Variants in IQSEC3 observed in about 807,000 individuals in gnomAD.
IQSEC3 encodes IQ motif and SEC7 domain-containing protein 3.
IQSEC3 carries 50 observed loss-of-function variants against 105.4 expected under a neutral mutation model. The observed-to-expected ratio is 0.47, with a 90% CI of 0.38 to 0.60. The LOEUF is 0.60. IQSEC3 is among the 20% of genes least tolerant of loss of function. The probability of loss-of-function intolerance (pLI) is 0.00; values close to 1 mark genes in which losing one functional copy is unlikely to be tolerated. For missense variants in IQSEC3, 1,415 were observed against 1,630.0 expected (o/e 0.87, Z 2.27); for synonymous variants, 708 against 746.0 (o/e 0.95, Z 0.83).
intron 3 of IQSEC3, among the ~76,000 whole-genome samples, chr12:127,662 G>T (rs1191276946): frequency 6.6e-6 from 1 of 152,134 alleles, no homozygotes; most frequent in African/African-American, 2.4e-5. Context: ...AGACATTCAG[G>T]CCCTTCGCCC....
intron 1 of IQSEC3, among the ~76,000 whole-genome samples, chr12:95,617 G>A (rs1222183911): frequency 6.6e-6 from 1 of 152,180 alleles, no homozygotes; most frequent in East Asian, 1.9e-4. Context: ...GGTAGCCAAT[G>A]TTAATACTTG....
At chr12:110,610 C>G (rs757178901) in intron 2 of IQSEC3, among the ~76,000 whole-genome samples, 9 of 152,064 alleles carry the variant, frequency 5.9e-5, no homozygotes, top group Non-Finnish European at 7.3e-5. Context: ...AATGGGGTCT[C>G]TCCCAAATGG....
At chr12:94,354 T>A (rs1864181126) in intron 1 of IQSEC3, among the ~76,000 whole-genome samples, 2 of 152,226 alleles carry the variant, frequency 1.3e-5, no homozygotes, top group African/African-American at 4.8e-5. Flanking sequence ...AGCTAAGACA[T>A]GCCCAGGTCA....
chr12:111,892 A>G (rs1279209414), intron 2 of IQSEC3: 1 of 152,332 alleles, frequency 6.6e-6, no homozygotes, highest in East Asian at 1.9e-4. Context: ...CCCAGAGAAC[A>G]GCGAAAGTGA....
Position 163,563 on chromosome 12 carries a change from C to A in IQSEC3, c.2653C>A (p.Leu885Met). 1 of 1,610,604 alleles carries A rather than the reference C, an allele frequency of 6.2e-7. No homozygotes were observed. Among genetic ancestry groups the A allele is most frequent in the Non-Finnish European group, 8.5e-7 (1 of 1,177,930 alleles). The change falls in exon 9 of 14, where the codon CTG becomes ATG. Residue 885 changes from leucine to methionine, a missense_variant. By Grantham distance (15) the Leu-to-Met change is conservative. Around this residue, in one of 6 missense-constraint regions of IQSEC3, gnomAD observed 419 missense variants for 436.2 expected, o/e 0.96. Coordinates refer to ENST00000538872, the MANE Select transcript of IQSEC3 (RefSeq NM_001170738.2). ...RLFEVTDVNK[L>M]QKQAAHQREV... ...CTTCGAGGTGACGGATGTGAACAAG[C>A]TGCAGAAGCAGGCAGCGCATCAGAG...
At chr12:164,505 C>A (rs1374462442) in intron 9 of IQSEC3, among the ~76,000 whole-genome samples, 3 of 152,230 alleles carry the variant, frequency 2.0e-5, no homozygotes, top group African/African-American at 4.8e-5. Flanking sequence ...TGCAAAGCTC[C>A]TCCAGACCTT....
In IQSEC3 at chr12:157,648, G is replaced by T; in HGVS notation, c.2397G>T (p.Lys799Asn). 6.2e-7 allele frequency: 1 copy of T among 1,614,098 alleles called. No homozygotes were observed. The highest frequency in any genetic ancestry group is 8.5e-7 in the Non-Finnish European group (1 of 1,179,978). The change falls in exon 7 of 14, where the codon AAG becomes AAT. Residue 799 changes from lysine (K) to asparagine (N), a missense_variant. Lys to Asn is a moderately conservative substitution (Grantham distance 94). Transcript: ENST00000538872. ...CCGACATGTACAGCCCCAACATCAAGCCTGACCGGAAGATGATGCTGGAGG... is the reference window on the plus strand; with the variant it reads ...CCGACATGTACAGCCCCAACATCAATCCTGACCGGAAGATGATGCTGGAGG... ...LNTDMYSPNI[K>N]PDRKMMLEDF...
intron 12 of IQSEC3, among the ~76,000 whole-genome samples, chr12:170,064 A>G (rs1938893091): frequency 6.6e-6 from 1 of 152,194 alleles, no homozygotes; most frequent in Admixed American, 6.5e-5. Flanking sequence ...TAGTTACGGC[A>G]GCGAGGACAT....
intron 11 of IQSEC3, among the ~76,000 whole-genome samples, chr12:168,254 C>G (rs1818829024): frequency 6.6e-6 from 1 of 152,188 alleles, no homozygotes; most frequent in African/African-American, 2.4e-5. Flanking sequence ...GTTTCCAATC[C>G]AGTGAGAGGA....
intron 1 of IQSEC3, among the ~76,000 whole-genome samples, chr12:69,207 C>G (rs1863212589): frequency 6.6e-6 from 1 of 152,276 alleles, no homozygotes; most frequent in Non-Finnish European, 1.5e-5. Context: ...ACTGCAACTC[C>G]ACTTTCTTTG....
chr12:152,097 G>A lies in IQSEC3; in HGVS notation c.2154-4928G>A, dbSNP rs905969472. ...GCTGGCCACTTACACCAGGTCCCGA[G>A]CACAGCCTTGCACACGGGGCCACTC... On this transcript the variant is annotated intron_variant, in intron 5 of 13. Transcript: ENST00000538872. This position sits in a 1 kb window ranked among gnomAD's most constrained non-coding sequence, Gnocchi z 4.8. Among the ~76,000 whole-genome samples the A allele has an allele frequency of 1.3e-5, 2 of 151,762 alleles. No homozygotes were observed. Among genetic ancestry groups the A allele is most frequent in the South Asian group, 4.2e-4 (2 of 4,810 alleles).
Position 125,576 on chromosome 12 carries a change from C to T in IQSEC3, c.624-57C>T, listed in dbSNP as rs1363579790. Reference sequence around the variant, plus strand: ...TAGCTTCTCTCCCCGACCCCCACATCCACACGCACCCTGTCGCCCTCTCCC... The same window carrying T: ...TAGCTTCTCTCCCCGACCCCCACATTCACACGCACCCTGTCGCCCTCTCCC... On this transcript the variant is annotated intron_variant, in intron 2 of 13. Coordinates refer to ENST00000538872, the MANE Select transcript of IQSEC3 (RefSeq NM_001170738.2). The T allele has an allele frequency of 2.8e-6, 4 of 1,432,594 alleles. No individual in the cohort carries two copies. The East Asian group carries it at 1.1e-4, about 38-fold the overall frequency. 88.7% of individuals were successfully genotyped at this position (1,432,594 alleles called of 1,614,324 possible).
At chr12:160,283 C>T (rs1304542671) in intron 7 of IQSEC3, among the ~76,000 whole-genome samples, 2 of 151,984 alleles carry the variant, frequency 1.3e-5, no homozygotes, top group South Asian at 2.1e-4. Context: ...CACCAGAAAG[C>T]GGATGAATGA....
chr12:86,016 G>C (rs1423344301), intron 1 of IQSEC3, among the ~76,000 whole-genome samples: 1 of 152,220 alleles, frequency 6.6e-6, no homozygotes, highest in Non-Finnish European at 1.5e-5. Context: ...GCTATGTTCT[G>C]TACTGGATGT....
At position 177,308 on chromosome 12, in the gene IQSEC3, T is replaced by A. The variant is rs957423457; in HGVS notation, c.*2275T>A. Reference sequence around the variant, plus strand: ...GGACCCCGTCCCCTGCTCACACAGCTCTTCAAACTTACCAAGTGCCCTCTC... The same window carrying A: ...GGACCCCGTCCCCTGCTCACACAGCACTTCAAACTTACCAAGTGCCCTCTC... On this transcript the variant is annotated 3_prime_UTR_variant, in exon 14 of 14. Transcript: ENST00000538872. This position sits in a 1 kb window ranked among gnomAD's most constrained non-coding sequence, Gnocchi z 5.3. 2 of 119,082 alleles carry A rather than the reference T, an allele frequency of 1.7e-5. No homozygotes were observed. The highest frequency in any genetic ancestry group is 5.8e-5 in the African/African-American group (2 of 34,364). The allele number at this position is 119,082 out of a possible 1,614,324, so 7.4% of individuals were successfully genotyped here. A position where few individuals can be genotyped will look rare whatever the true frequency, so the allele number is the denominator to read the frequency against.
rs926584285 is a variant in IQSEC3 at position 172,081 on chromosome 12, A to G, written c.3114+920A>G. On this transcript the variant is annotated intron_variant, in intron 13 of 13. Coordinates refer to ENST00000538872, the MANE Select transcript of IQSEC3 (RefSeq NM_001170738.2). ...CCGGGGCCACCGGCTGCTCATACAG[A>G]CACCTCCCTTCGCAACCCTAACCTC... 3.3e-5 allele frequency among the ~76,000 whole-genome samples: 5 copies of G among 151,928 alleles called. No homozygotes were observed. The South Asian group carries it at 1.0e-3, about 32-fold the overall frequency.
At chr12:74,127 G>A (rs1309580948) in intron 1 of IQSEC3, among the ~76,000 whole-genome samples, 3 of 152,312 alleles carry the variant, frequency 2.0e-5, no homozygotes, top group South Asian at 2.1e-4. Context: ...GACAAAAGTG[G>A]AGAGTGAGGG....
In IQSEC3 at chr12:73,667, G is replaced by C. The variant is rs142545828; in HGVS notation, c.554+6231G>C. ...TCTGGGCCACAGAGCGAGACTCCAT[G>C]ACCCCAAAAAAAAAGAAAAAGAAAA... On this transcript the variant is annotated intron_variant, in intron 1 of 13. Transcript: ENST00000538872. 8.0e-4 allele frequency among the ~76,000 whole-genome samples: 121 copies of C among 151,566 alleles called. 1 individual carries two copies. Among genetic ancestry groups the C allele is most frequent in the African/African-American group, 2.8e-3 (116 of 41,012 alleles).
At chr12:76,396 G>A (rs1863530290) in intron 1 of IQSEC3, among the ~76,000 whole-genome samples, 1 of 152,270 alleles carries the variant, frequency 6.6e-6, no homozygotes, top group Non-Finnish European at 1.5e-5. Flanking sequence ...GTGGGCAACT[G>A]TGTGTTACTG....
Sources: allele counts gnomAD v4.1 joint callset (sites outside exome capture counted in the v4.1 genomes callset), GRCh38; gene constraint gnomAD v4.1.1; regional missense constraint gnomAD v4.1.1; non-coding constraint Gnocchi (gnomAD v3.1); transcripts MANE v1.5; gene names NCBI Gene and HGNC (gene_info 2026-07-23, HGNC 2026-07-21).